Variants in MTUS2 observed in about 807,000 individuals in gnomAD.
MTUS2 encodes microtubule associated scaffold protein 2, also known as microtubule-associated tumor suppressor candidate 2.
MTUS2 carries 40 observed loss-of-function variants against 114.1 expected under a neutral mutation model. The observed-to-expected ratio is 0.35, with a 90% CI of 0.27 to 0.46. The LOEUF is 0.46. Among genes scored for constraint, MTUS2 ranks in the 20% least tolerant of loss-of-function variants. The pLI is 1.00. For missense variants in MTUS2, 1,679 were observed against 1,705.4 expected, an observed-to-expected ratio of 0.98 and a Z score of 0.27; for synonymous variants, 688 against 672.0, an observed-to-expected ratio of 1.02 and a Z score of -0.37.
chr13:29,297,021 C>T (rs1021689233), intron 6 of MTUS2, among the ~76,000 whole-genome samples: 2 of 152,122 alleles, frequency 1.3e-5, no homozygotes, highest in Non-Finnish European at 2.9e-5. Context: ...AATCTTTGCC[C>T]AGACCAATGT....
intron 5 of MTUS2, among the ~76,000 whole-genome samples, chr13:29,249,774 C>T (rs1897059399): frequency 6.6e-6 from 1 of 151,928 alleles, no homozygotes; most frequent in Non-Finnish European, 1.5e-5. Context: ...CACTCTGATA[C>T]TAGGATTTCC....
intron 5 of MTUS2, among the ~76,000 whole-genome samples, chr13:29,211,433 C>T (rs1895432385): frequency 6.6e-6 from 1 of 152,294 alleles, no homozygotes; most frequent in Admixed American, 6.5e-5. Flanking sequence ...CTTCTGTGCG[C>T]CTATCTGTAC....
intron 9 of MTUS2, among the ~76,000 whole-genome samples, chr13:29,456,120 T>C (rs890551685): frequency 3.9e-5 from 6 of 152,160 alleles, no homozygotes; most frequent in Non-Finnish European, 7.3e-5. Flanking sequence ...AGAGGAATGT[T>C]ATGAGTAAAC....
intron 3 of MTUS2, among the ~76,000 whole-genome samples, chr13:29,029,563 T>A (rs1325262209): frequency 1.3e-5 from 2 of 152,220 alleles, no homozygotes. Context: ...AAGAGACCTG[T>A]CAGTCCATTT....
At chr13:29,021,079 C>G (rs1031047409) in intron 2 of MTUS2, among the ~76,000 whole-genome samples, 1 of 152,122 alleles carries the variant, frequency 6.6e-6, no homozygotes, top group Non-Finnish European at 1.5e-5. Context: ...CTAGTCTGGT[C>G]AATGTATCGA....
At chr13:29,445,909 A>C (rs74504539) in intron 9 of MTUS2, among the ~76,000 whole-genome samples, 1 of 143,748 alleles carries the variant, frequency 7.0e-6, no homozygotes, top group Non-Finnish European at 1.5e-5. Context: ...CTCTGTCTCC[A>C]AAAAAAAAAA....
At chr13:29,447,961 A>G (rs1262346488) in intron 9 of MTUS2, among the ~76,000 whole-genome samples, 3 of 152,166 alleles carry the variant, frequency 2.0e-5, no homozygotes, top group African/African-American at 7.2e-5. Context: ...AAGAGCACTG[A>G]TGTATTTGTA....
At chr13:29,376,673 T>C (rs1871772195) in intron 8 of MTUS2, among the ~76,000 whole-genome samples, 1 of 152,222 alleles carries the variant, frequency 6.6e-6, no homozygotes, top group South Asian at 2.1e-4. Context: ...CCACATTCAT[T>C]ACTTTGCTTA....
chr13:28,910,984 T>A lies in MTUS2; in HGVS notation c.-243+71134T>A, dbSNP rs144462506. 1.7e-3 allele frequency among the ~76,000 whole-genome samples: 252 copies of A among 144,706 alleles called. 2 individuals are homozygous for A. Among genetic ancestry groups the A allele is most frequent in the African/African-American group, 6.0e-3 (237 of 39,404 alleles). The allele number at this position is 144,706 out of a possible 152,430, so 94.9% of individuals were successfully genotyped here. Reference sequence around the variant, plus strand: ...TCTGCCTCCCAGGTTCACACCATTCTTCTGCCTCAGCCTCCTGAATAGCTG... The same window carrying A: ...TCTGCCTCCCAGGTTCACACCATTCATCTGCCTCAGCCTCCTGAATAGCTG... On this transcript the variant is annotated intron_variant, in intron 2 of 15. Transcript: ENST00000612955.
chr13:29,204,714 G>T (rs1895109453), intron 5 of MTUS2, among the ~76,000 whole-genome samples: 1 of 152,224 alleles, frequency 6.6e-6, no homozygotes, highest in African/African-American at 2.4e-5. Context: ...TGACAGCAGT[G>T]TAGTAGTCGG....
chr13:28,836,860 A>G (rs1057023450), intron 1 of MTUS2, among the ~76,000 whole-genome samples: 2 of 152,222 alleles, frequency 1.3e-5, no homozygotes, highest in African/African-American at 2.4e-5. Flanking sequence ...TGCATTTCAT[A>G]TTAGGCAGTG....
At chr13:29,429,925 A>G (rs1330249134) in intron 8 of MTUS2, among the ~76,000 whole-genome samples, 1 of 152,232 alleles carries the variant, frequency 6.6e-6, no homozygotes. Flanking sequence ...CTTACCACCT[A>G]GGAAAATTAA....
chr13:29,363,297 A>G (rs1353263453), intron 8 of MTUS2, among the ~76,000 whole-genome samples: 1 of 152,124 alleles, frequency 6.6e-6, no homozygotes, highest in Non-Finnish European at 1.5e-5. Context: ...ACTTTTAATA[A>G]GATTTATTAT....
chr13:29,041,055 T>C (rs563677145), intron 4 of MTUS2, among the ~76,000 whole-genome samples: 6 of 152,216 alleles, frequency 3.9e-5, no homozygotes, highest in Non-Finnish European at 7.4e-5. Context: ...GAAGGGTTTT[T>C]CCGATGTTAT....
chr13:28,850,212 A>G (rs1876173944), intron 2 of MTUS2, among the ~76,000 whole-genome samples: 1 of 152,206 alleles, frequency 6.6e-6, no homozygotes, highest in South Asian at 2.1e-4. Flanking sequence ...GAGTACTTTT[A>G]TATTGTCCGC....
chr13:29,184,889 A>G (rs554883881), intron 5 of MTUS2, among the ~76,000 whole-genome samples: 1 of 152,236 alleles, frequency 6.6e-6, no homozygotes, highest in East Asian at 1.9e-4. Context: ...GTGGCCAAAA[A>G]AATCATGGTG....
intron 7 of MTUS2, among the ~76,000 whole-genome samples, chr13:29,341,725 T>C (rs969915528): frequency 6.6e-6 from 1 of 152,178 alleles, no homozygotes; most frequent in Non-Finnish European, 1.5e-5. Flanking sequence ...CCAAAGCCAG[T>C]GTCTACAAGG....
intron 1 of MTUS2, among the ~76,000 whole-genome samples, chr13:28,821,971 T>C (rs1873933812): frequency 6.6e-6 from 1 of 152,210 alleles, no homozygotes; most frequent in Non-Finnish European, 1.5e-5. Context: ...TACGGGAATC[T>C]TAAGTGATAT....
chr13:29,283,900 A>T (rs1279192136), intron 6 of MTUS2, among the ~76,000 whole-genome samples: 1 of 152,250 alleles, frequency 6.6e-6, no homozygotes, highest in Non-Finnish European at 1.5e-5. Context: ...CAAAAATCCA[A>T]AAGTTTGACA....
Sources: allele counts gnomAD v4.1 joint callset (sites outside exome capture counted in the v4.1 genomes callset), GRCh38; gene constraint gnomAD v4.1.1; transcripts MANE v1.5; gene names NCBI Gene and HGNC (gene_info 2026-07-23, HGNC 2026-07-21).